GRM8: variants seen among roughly 807,000 people sequenced by gnomAD.
GRM8 encodes the protein metabotropic glutamate receptor 8.
A neutral mutation model predicts 87.2 loss-of-function variants in GRM8; 47 were observed. The observed-to-expected ratio is 0.54, with a 90% CI of 0.43 to 0.69. GRM8 has a LOEUF of 0.69. Ranked by LOEUF, GRM8 falls within the 30% of genes least tolerant of loss-of-function variation. GRM8 has a pLI of 0.00. For synonymous variants in GRM8, 396 were observed against 404.5 expected, an observed-to-expected ratio of 0.98 and a Z score of 0.25; for missense variants, 1,019 against 1,139.2, an observed-to-expected ratio of 0.89 and a Z score of 1.52.
At chr7:126,966,825 T>C (rs1043272946) in intron 3 of GRM8, among the ~76,000 whole-genome samples, 2 of 152,124 alleles carry the variant, frequency 1.3e-5, no homozygotes, top group Admixed American at 6.6e-5. Flanking sequence ...GAATTGTATT[T>C]GGAAAGGATA....
chr7:126,860,192 C>T (rs936981918), intron 6 of GRM8, among the ~76,000 whole-genome samples: 3 of 152,138 alleles, frequency 2.0e-5, no homozygotes, highest in African/African-American at 2.4e-5. Flanking sequence ...TCTTATACTA[C>T]ATATTCATAT....
At chr7:126,571,348 G>C (rs1460660302) in intron 8 of GRM8, among the ~76,000 whole-genome samples, 1 of 152,084 alleles carries the variant, frequency 6.6e-6, no homozygotes, top group East Asian at 1.9e-4. Context: ...CACAGAGATA[G>C]GAAGTAATTT....
intron 3 of GRM8, among the ~76,000 whole-genome samples, chr7:126,912,307 T>C (rs75910397): frequency 0.025 from 3,753 of 152,248 alleles, 142 homozygotes; most frequent in African/African-American, 0.085. Flanking sequence ...GCTGGGATCA[T>C]TGAGGGCCTA....
intron 7 of GRM8, among the ~76,000 whole-genome samples, chr7:126,704,807 G>A (rs947497880): frequency 1.3e-5 from 2 of 152,088 alleles, no homozygotes; most frequent in Non-Finnish European, 2.9e-5. Context: ...CTCCTGATAA[G>A]ATGTTATCAA....
chr7:126,528,352 T>C (rs1814238479), intron 9 of GRM8, among the ~76,000 whole-genome samples: 2 of 152,216 alleles, frequency 1.3e-5, no homozygotes, highest in Non-Finnish European at 2.9e-5. Flanking sequence ...TTCATTCGAA[T>C]ATATTCAGTC....
chr7:126,972,905 T>C (rs909551147), intron 3 of GRM8, among the ~76,000 whole-genome samples: 1 of 152,234 alleles, frequency 6.6e-6, no homozygotes, highest in Non-Finnish European at 1.5e-5. Flanking sequence ...GGAACTATAA[T>C]TAAAGCACAT....
chr7:127,233,654 T>C (rs1797822231), intron 2 of GRM8, among the ~76,000 whole-genome samples: 1 of 152,200 alleles, frequency 6.6e-6, no homozygotes, highest in Admixed American at 6.5e-5. Flanking sequence ...GACAGATCCA[T>C]GGTGTCCCTG....
intron 6 of GRM8, among the ~76,000 whole-genome samples, chr7:126,833,735 G>C (rs1007535272): frequency 6.6e-6 from 1 of 152,112 alleles, no homozygotes; most frequent in African/African-American, 2.4e-5. Context: ...GAGGATTATG[G>C]CTTCAACAAA....
chr7:127,078,718 C>A (rs1345717760), intron 3 of GRM8, among the ~76,000 whole-genome samples: 1 of 152,188 alleles, frequency 6.6e-6, no homozygotes, highest in Non-Finnish European at 1.5e-5. Context: ...ATTTGCATTG[C>A]AATCAGGGCT....
intron 2 of GRM8, among the ~76,000 whole-genome samples, chr7:127,179,240 A>C (rs1489788423): frequency 6.6e-6 from 1 of 152,222 alleles, no homozygotes; most frequent in Non-Finnish European, 1.5e-5. Flanking sequence ...AAGCAACAGC[A>C]GCTAAAAGAG....
chr7:126,533,416 C>T lies in GRM8; in HGVS notation c.1966G>A (p.Gly656Arg). 6.2e-7 allele frequency: 1 copy of T among 1,613,946 alleles called. No individual in the cohort carries two copies. Among genetic ancestry groups the T allele is most frequent in the Non-Finnish European group, 8.5e-7 (1 of 1,179,956 alleles). ...GCATAGCTGAAACACATGCCAAGTC[C>T]TAGGAAGACCCGTCGGAAGGAGCAT... ...IICSFRRVFL[G>R]LGMCFSYAAL... The change falls in exon 9 of 11, where the codon GGA becomes AGA. Residue 656 changes from glycine to arginine, a missense_variant. Coordinates refer to ENST00000339582, the MANE Select transcript of GRM8 (RefSeq NM_000845.3).
At chr7:126,819,399 T>C (rs1359000375) in intron 6 of GRM8, among the ~76,000 whole-genome samples, 1 of 152,138 alleles carries the variant, frequency 6.6e-6, no homozygotes, top group Non-Finnish European at 1.5e-5. Context: ...TTCACATTCC[T>C]ACAAATACAC....
chr7:126,984,404 C>A (rs1811844537), intron 3 of GRM8, among the ~76,000 whole-genome samples: 5 of 152,044 alleles, frequency 3.3e-5, no homozygotes, highest in Admixed American at 3.3e-4. Context: ...GCAGACCCAC[C>A]CTCAATCAGG....
At chr7:126,523,064 T>C (rs1813233491) in intron 9 of GRM8, among the ~76,000 whole-genome samples, 1 of 152,238 alleles carries the variant, frequency 6.6e-6, no homozygotes, top group South Asian at 2.1e-4. Flanking sequence ...TTAGCAATTG[T>C]ATTAAACCTA....
intron 9 of GRM8, among the ~76,000 whole-genome samples, chr7:126,492,186 G>A (rs1041516549): frequency 1.3e-5 from 2 of 151,978 alleles, no homozygotes; most frequent in African/African-American, 4.8e-5. Context: ...AAGTAGCTGG[G>A]ACTATAGGCA....
chr7:127,078,060 G>A (rs1175189952), intron 3 of GRM8, among the ~76,000 whole-genome samples: 1 of 152,214 alleles, frequency 6.6e-6, no homozygotes, highest in African/African-American at 2.4e-5. Context: ...TGTAGGTTGG[G>A]AAACCCTGAT....
In GRM8 at chr7:127,061,039, T is replaced by TA. The variant is rs755398952; in HGVS notation, c.727+45456dup. On this transcript the variant is annotated intron_variant, in intron 3 of 10. Transcript: ENST00000339582. ...CTTGCCTGCCTCCATGTTGCACACC[T>TA]ACCTTGTATACCTGAGACAGGTATA... 2.6e-5 allele frequency among the ~76,000 whole-genome samples: 4 copies of TA among 152,330 alleles called. No individual in the cohort carries two copies. The East Asian group carries it at 7.7e-4, about 29-fold the overall frequency.
At chr7:126,442,117 G>A (rs1801538331) in intron 10 of GRM8, among the ~76,000 whole-genome samples, 1 of 151,946 alleles carries the variant, frequency 6.6e-6, no homozygotes, top group Non-Finnish European at 1.5e-5. Flanking sequence ...GGATGGAACA[G>A]CTGTAGTCTG....
At chr7:126,678,376 T>C (rs771010848) in intron 7 of GRM8, among the ~76,000 whole-genome samples, 51 of 152,330 alleles carry the variant, frequency 3.3e-4, no homozygotes, top group Middle Eastern at 3.4e-3. Flanking sequence ...GAAGTATCTT[T>C]GGTCATGTTG....
Sources: allele counts gnomAD v4.1 joint callset (sites outside exome capture counted in the v4.1 genomes callset), GRCh38; gene constraint gnomAD v4.1.1; transcripts MANE v1.5; gene names NCBI Gene and HGNC (gene_info 2026-07-23, HGNC 2026-07-21).